The following ATP7A variants were observed in gnomAD, a reference collection of about 807,000 sequenced individuals.
ATP7A encodes the protein ATPase copper transporting alpha, also known as copper-transporting ATPase 1.
In ATP7A, 7 loss-of-function variants were observed where a neutral mutation model predicts 83.5. That is an observed-to-expected ratio of 0.08 (90% confidence interval 0.05 to 0.16). The LOEUF is 0.16. Ranked by LOEUF, ATP7A falls within the 10% of genes least tolerant of loss-of-function variation. The probability of loss-of-function intolerance (pLI) is 1.00; values close to 1 mark genes in which losing one functional copy is unlikely to be tolerated. For missense variants in ATP7A, 940 were observed against 1,120.8 expected, an observed-to-expected ratio of 0.84 and a Z score of 2.30; for synonymous variants, 354 against 395.2, an observed-to-expected ratio of 0.90 and a Z score of 1.24.
intron 16 of ATP7A, among the ~76,000 whole-genome samples, chrX:78,032,888 G>A (rs782810406): frequency 1.8e-5 from 2 of 111,303 alleles, no homozygotes; most frequent in African/African-American, 3.3e-5. Context: ...AGAACTTTTC[G>A]GCTTGCTAAA....
At chrX:77,995,344 C>T (rs1216126292) in intron 4 of ATP7A, among the ~76,000 whole-genome samples, 1 of 110,500 alleles carries the variant, frequency 9.0e-6, no homozygotes, top group Non-Finnish European at 1.9e-5. Flanking sequence ...GCAGGTGGAT[C>T]ACCTGAGGTC....
chrX:77,989,650 A>G lies in ATP7A; in HGVS notation c.1028A>G (p.Tyr343Cys). The stretch of plus-strand genomic sequence containing the variant: ...ATAGAGGCTGTATCACCGGGGCTAT[A>G]TAGAGTTAGTATCACAAGTGAAGTT... ...KAIEAVSPGL[Y>C]RVSITSEVES... is the part of the protein sequence containing the mutation. The change falls in exon 4 of 23, where the codon TAT becomes TGT. Residue 343 changes from tyrosine to cysteine, a missense_variant. Transcript: ENST00000341514. 2.5e-6 allele frequency: 3 copies of G among 1,211,535 alleles called. No homozygotes were observed. The highest frequency in any genetic ancestry group is 2.2e-6 in the Non-Finnish European group (2 of 895,212).
chrX:78,004,802 G>C (rs982447706), intron 6 of ATP7A, among the ~76,000 whole-genome samples: 2 of 111,957 alleles, frequency 1.8e-5, no homozygotes, highest in African/African-American at 6.5e-5. Flanking sequence ...AGAATTGTTT[G>C]AACCTGGGAG....
At chrX:78,016,508 A>C (rs1490491608) in intron 12 of ATP7A, among the ~76,000 whole-genome samples, 2 of 111,022 alleles carry the variant, frequency 1.8e-5, no homozygotes. Flanking sequence ...CATTAACTCA[A>C]AAGTCCACAA....
At chrX:78,028,440 T>C (rs781986135) in intron 14 of ATP7A, among the ~76,000 whole-genome samples, 1 of 111,729 alleles carries the variant, frequency 9.0e-6, no homozygotes, top group Non-Finnish European at 1.9e-5. Flanking sequence ...CCACCTGCCT[T>C]GGCCTCCCAA....
At chrX:78,010,704 C>T (rs1232911212) in intron 7 of ATP7A, among the ~76,000 whole-genome samples, 4 of 106,098 alleles carry the variant, frequency 3.8e-5, no homozygotes, top group East Asian at 3.0e-4. Context: ...CTCAGCTTCC[C>T]GAGCAGCTGG....
intron 2 of ATP7A, among the ~76,000 whole-genome samples, chrX:77,978,922 C>G (rs1418789295): frequency 9.0e-6 from 1 of 110,860 alleles, no homozygotes; most frequent in Non-Finnish European, 1.9e-5. Context: ...ACCTTCGCCT[C>G]CTGGGTTCAA....
rs187450020 is a variant in ATP7A, at chrX:77,920,543, A to G, written c.-22+9708A>G. ...AGTACCCATTGTTTAGCTACCACTT[A>G]TAAGTGAGAACGTGTGGTATTTGGT... On this transcript the variant is annotated intron_variant, in intron 1 of 22. Transcript: ENST00000341514. Among the ~76,000 whole-genome samples, 251 of 111,189 alleles carry G rather than the reference A, an allele frequency of 2.3e-3. 1 individual carries two copies. Among genetic ancestry groups the G allele is most frequent in the African/African-American group, 7.8e-3 (238 of 30,574 alleles).
At chrX:77,967,266 C>G (rs1455740323) in intron 1 of ATP7A, among the ~76,000 whole-genome samples, 1 of 111,616 alleles carries the variant, frequency 9.0e-6, no homozygotes, top group Non-Finnish European at 1.9e-5. Flanking sequence ...GGGTATGTAC[C>G]CAGTAATGGG....
At chrX:77,913,080 C>T (rs1179193556) in intron 1 of ATP7A, among the ~76,000 whole-genome samples, 2 of 111,900 alleles carry the variant, frequency 1.8e-5, no homozygotes, top group Non-Finnish European at 3.8e-5. Context: ...TCTGTGAGGG[C>T]GCTAAAGGAA....
intron 7 of ATP7A, 161 bp downstream of exon 7, chrX:78,009,424 A>AT (rs781815952): frequency 0.013 from 6,169 of 489,554 alleles, no homozygotes; most frequent in Non-Finnish European, 0.014. Context: ...ACGTGTCTGC[A>AT]TTTTTTTTTT....
At position 78,049,397 on chromosome X, in the gene ATP7A, T is replaced by C. The variant is rs782249586; in HGVS notation, c.*2827T>C. On this transcript the variant is annotated 3_prime_UTR_variant, in exon 23 of 23. Coordinates refer to ENST00000341514, the MANE Select transcript of ATP7A (RefSeq NM_000052.7). ...ATTTATATTTCATTTATCACTCTTCTGTATTCACTCAGCAACCATGCCCTT... is the reference window on the plus strand; with the variant it reads ...ATTTATATTTCATTTATCACTCTTCCGTATTCACTCAGCAACCATGCCCTT... 2.7e-5 allele frequency: 3 copies of C among 112,773 alleles called. No homozygotes were observed. Among genetic ancestry groups the C allele is most frequent in the Non-Finnish European group, 3.8e-5 (2 of 53,247 alleles). The allele number at this position is 112,773 out of a possible 1,213,427, so 9.3% of individuals were successfully genotyped here.
intron 1 of ATP7A, among the ~76,000 whole-genome samples, chrX:77,934,746 C>T: frequency 9.0e-6 from 1 of 111,015 alleles, no homozygotes; most frequent in East Asian, 2.8e-4. Flanking sequence ...AATGCTCAAC[C>T]TGTCTGATAA....
rs781847231 is a variant in ATP7A at position 78,014,773 on chromosome X, CCTCTT to C, written c.2498+26_2498+30del. On this transcript the variant is annotated intron_variant, in intron 11 of 22. Coordinates refer to ENST00000341514, the MANE Select transcript of ATP7A (RefSeq NM_000052.7). ...CCTCAGGTATTTATCTTCACTCTTC[CCTCTT>C]CTCTTTTTTTAACTTCTTAAGAAAA... The C allele has an allele frequency of 1.7e-5, 19 of 1,122,445 alleles. No individual in the cohort carries two copies. In the South Asian group the frequency reaches 3.4e-4, roughly 20 times the overall value. 92.5% of individuals were successfully genotyped at this position (1,122,445 alleles called of 1,213,427 possible). A position where few individuals can be genotyped will look rare whatever the true frequency, so the allele number is the denominator to read the frequency against.
intron 4 of ATP7A, among the ~76,000 whole-genome samples, chrX:77,994,202 A>C (rs2077686629): frequency 9.0e-6 from 1 of 110,586 alleles, no homozygotes; most frequent in African/African-American, 3.3e-5. Flanking sequence ...AGTTGCTAGG[A>C]TTACAGGCGC....
chrX:78,015,665 C>A, intron 11 of ATP7A, 89 bp from the exon 12 acceptor site: 1 of 1,134,775 alleles, frequency 8.8e-7, no homozygotes, highest in Non-Finnish European at 1.2e-6. Context: ...TATGGAGCCA[C>A]AAGCTTGACG....
intron 2 of ATP7A, among the ~76,000 whole-genome samples, chrX:77,984,230 A>G (rs2077622135): frequency 9.0e-6 from 1 of 111,062 alleles, no homozygotes; most frequent in African/African-American, 3.3e-5. Context: ...TTCCAGCTCT[A>G]TGGAGTCTGC....
Position 78,020,937 on chromosome X carries a change from A to C in ATP7A, c.2782-8A>C, listed in dbSNP as rs2149100096. 2 of 1,204,287 alleles carry C rather than the reference A, an allele frequency of 1.7e-6. No individual in the cohort carries two copies. The highest frequency in any genetic ancestry group is 2.2e-6 in the Non-Finnish European group (2 of 889,516). On this transcript the variant is annotated splice_polypyrimidine_tract_variant and splice_region_variant and intron_variant, in intron 13 of 22. Coordinates refer to ENST00000341514, the MANE Select transcript of ATP7A (RefSeq NM_000052.7). ...TCTTCTTATTATTGTTGTTATTTTT[A>C]ATTCTAGGCTCCTATCCAGCAGTTT... is the stretch of plus-strand genomic sequence containing the variant.
At chrX:77,941,712 A>G (rs1227087059) in intron 1 of ATP7A, among the ~76,000 whole-genome samples, 1 of 112,207 alleles carries the variant, frequency 8.9e-6, no homozygotes, top group African/African-American at 3.2e-5. Context: ...TTATCTTTAG[A>G]GTATAGTTCA....
Sources: allele counts gnomAD v4.1 joint callset (sites outside exome capture counted in the v4.1 genomes callset), GRCh38; gene constraint gnomAD v4.1.1; transcripts MANE v1.5; gene names NCBI Gene and HGNC (gene_info 2026-07-23, HGNC 2026-07-21).